Variants in PTGER4 observed in about 807,000 individuals in gnomAD.
PTGER4 encodes the protein prostaglandin E2 receptor EP4 subtype.
A neutral mutation model predicts 33.2 loss-of-function variants in PTGER4; 11 were observed. The observed-to-expected ratio is 0.33, with a 90% CI of 0.21 to 0.55. PTGER4 has a LOEUF of 0.55. Ranked by LOEUF, PTGER4 falls within the 20% of genes least tolerant of loss-of-function variation. The pLI, the probability that PTGER4 is intolerant of heterozygous loss-of-function variation, is 0.92. For missense variants in PTGER4, 481 were observed against 650.2 expected, an observed-to-expected ratio of 0.74 and a Z score of 2.83; for synonymous variants, 275 against 281.5, an observed-to-expected ratio of 0.98 and a Z score of 0.23.
downstream of PTGER4, among the ~76,000 whole-genome samples, chr5:40,696,105 G>C (rs189238233): frequency 1.3e-5 from 2 of 152,300 alleles, no homozygotes; most frequent in African/African-American, 4.8e-5. Flanking sequence ...ATGGTACTTT[G>C]ACCAAGGGAC....
At position 40,681,281 on chromosome 5, in the gene PTGER4, C is replaced by T. The variant is rs555173273; in HGVS notation, c.288C>T (p.Thr96=). The change falls in exon 2 of 3, where the codon ACC becomes ACT. Residue 96 remains threonine (T), a synonymous_variant. Coordinates refer to ENST00000302472, the MANE Select transcript of PTGER4 (RefSeq NM_000958.3). The surrounding 1 kb of genome is among the most constrained non-coding windows in gnomAD (Gnocchi z 9.8). ...PGGQPLCEYS[T]FILLFFSLSG... ...GCCAGCCGCTGTGCGAGTACAGCAC[C>T]TTCATTCTGCTCTTCTTCAGCCTGT... 5.9e-5 allele frequency: 95 copies of T among 1,614,224 alleles called. No individual in the cohort carries two copies. In the South Asian group the frequency reaches 9.0e-4, roughly 15 times the overall value.
At chr5:40,693,818 T>C (rs761391982), downstream of PTGER4, 147 of 695,460 alleles carry the variant, frequency 2.1e-4, 1 homozygote, top group Middle Eastern at 3.7e-3. Flanking sequence ...CTTTTATATA[T>C]TTTTTTAAAA....
At chr5:40,717,540 T>C in the PTGER4 span, among the ~76,000 whole-genome samples, 13 of 152,226 alleles carry the variant, frequency 8.5e-5, no homozygotes, top group African/African-American at 3.1e-4. Flanking sequence ...GGCTGTCCTC[T>C]ATAATGTAGA....
rs1741148115 is a variant in PTGER4 at position 40,680,171 on chromosome 5, A to C, written c.-351A>C. Reference sequence around the variant, plus strand: ...ACACCTGAACGCTGTCCTCCCGCAGACGAGACCGGCGGGCACTGCAAAGCT... The same window carrying C: ...ACACCTGAACGCTGTCCTCCCGCAGCCGAGACCGGCGGGCACTGCAAAGCT... On this transcript the variant is annotated 5_prime_UTR_variant, in exon 1 of 3. Coordinates refer to ENST00000302472, the MANE Select transcript of PTGER4 (RefSeq NM_000958.3). This position sits in a 1 kb window ranked among gnomAD's most constrained non-coding sequence, Gnocchi z 5.5. 1 of 152,536 alleles carries C rather than the reference A, an allele frequency of 6.6e-6. No individual in the cohort carries two copies. The highest frequency in any genetic ancestry group is 1.5e-5 in the Non-Finnish European group (1 of 68,142). 9.4% of individuals were successfully genotyped at this position (152,536 alleles called of 1,614,324 possible). A position where few individuals can be genotyped will look rare whatever the true frequency, so the allele number is the denominator to read the frequency against.
downstream of PTGER4, among the ~76,000 whole-genome samples, chr5:40,694,744 A>G (rs185684029): frequency 1.1e-4 from 17 of 152,346 alleles, no homozygotes; most frequent in African/African-American, 4.1e-4. Context: ...TTAGGGCTTC[A>G]ACAAATGAAT....
chr5:40,700,130 T>C, the PTGER4 span, among the ~76,000 whole-genome samples: 1 of 152,222 alleles, frequency 6.6e-6, no homozygotes, highest in Non-Finnish European at 1.5e-5. Flanking sequence ...ACAAATCAAT[T>C]GTATTTCTAT....
chr5:40,697,776 A>C (rs1425282500), downstream of PTGER4, among the ~76,000 whole-genome samples: 2 of 151,908 alleles, frequency 1.3e-5, no homozygotes, highest in Non-Finnish European at 2.9e-5. Flanking sequence ...AAAAAGGCAA[A>C]ATAAACATAA....
At position 40,692,176 on chromosome 5, in the gene PTGER4, G is replaced by A; in HGVS notation, c.1265G>A (p.Gly422Asp). 1 of 1,614,232 alleles carries A rather than the reference G, an allele frequency of 6.2e-7. No homozygotes were observed. The highest frequency in any genetic ancestry group is 8.5e-7 in the Non-Finnish European group (1 of 1,180,036). ...RNLLPGVPGM[G>D]LAQEDTTSLR... ...TTGCTTCCAGGTGTGCCTGGCATGG[G>A]CCTGGCCCAGGAAGACACCACCTCA... is the stretch of plus-strand genomic sequence containing the variant. The change falls in exon 3 of 3, where the codon GGC becomes GAC. Residue 422 changes from glycine to aspartate, a missense_variant. Around this residue, in one of 7 missense-constraint regions of PTGER4, gnomAD observed 172 missense variants for 199.2 expected, o/e 0.86. Transcript: ENST00000302472.
Position 40,692,419 on chromosome 5 carries a change from T to C in PTGER4, c.*41T>C, listed in dbSNP as rs769808538. 2.0e-6 allele frequency: 3 copies of C among 1,527,704 alleles called. No homozygotes were observed. The highest frequency in any genetic ancestry group is 4.5e-5 in the East Asian group (2 of 44,132). The allele number at this position is 1,527,704 out of a possible 1,614,324, so 94.6% of individuals were successfully genotyped here. On this transcript the variant is annotated 3_prime_UTR_variant, in exon 3 of 3. Transcript: ENST00000302472. ...ATACAGTACTGTTTCTGGACCCTTATAAAATCCTGTGCAATAGACACATAC... is the reference window on the plus strand; with the variant it reads ...ATACAGTACTGTTTCTGGACCCTTACAAAATCCTGTGCAATAGACACATAC...
the PTGER4 span, among the ~76,000 whole-genome samples, chr5:40,723,392 C>CA: frequency 6.6e-6 from 1 of 151,582 alleles, no homozygotes; most frequent in African/African-American, 2.4e-5. Flanking sequence ...ATGACCCTGC[C>CA]AAATCCCCTT....
chr5:40,724,566 G>A, the PTGER4 span, among the ~76,000 whole-genome samples: 1 of 151,768 alleles, frequency 6.6e-6, no homozygotes, highest in Non-Finnish European at 1.5e-5. Flanking sequence ...CCGGGAGGTG[G>A]AGGTTGAAGT....
the PTGER4 span, among the ~76,000 whole-genome samples, chr5:40,710,244 AC>A: frequency 6.6e-6 from 1 of 152,062 alleles, no homozygotes; most frequent in African/African-American, 2.4e-5. Context: ...AAAACAAACA[AC>A]CCCATCAAAA....
the PTGER4 span, among the ~76,000 whole-genome samples, chr5:40,705,565 C>T: frequency 6.6e-6 from 1 of 152,132 alleles, no homozygotes; most frequent in Admixed American, 6.6e-5. Flanking sequence ...AAAACATTTG[C>T]AAACTGTGCA....
chr5:40,723,885 A>G, the PTGER4 span, among the ~76,000 whole-genome samples: 2 of 152,072 alleles, frequency 1.3e-5, no homozygotes, highest in African/African-American at 4.8e-5. Context: ...AAACAAACAA[A>G]AAGGCAAGAT....
rs1006251317 is a variant in PTGER4 at position 40,691,114 on chromosome 5, G to T, written c.868-665G>T. On this transcript the variant is annotated intron_variant, in intron 2 of 2. Transcript: ENST00000302472. This position sits in a 1 kb window ranked among gnomAD's most constrained non-coding sequence, Gnocchi z 4.2. ...CAGCTCACTGCAACCTCCACCCGCC[G>T]CATTCAAGCCATTCTCCTGCCTCAC... Among the ~76,000 whole-genome samples the T allele has an allele frequency of 6.6e-6, 1 of 151,794 alleles. No individual in the cohort carries two copies. Among genetic ancestry groups the T allele is most frequent in the Non-Finnish European group, 1.5e-5 (1 of 67,950 alleles).
chr5:40,738,269 A>C, the PTGER4 span, among the ~76,000 whole-genome samples: 1 of 151,656 alleles, frequency 6.6e-6, no homozygotes, highest in African/African-American at 2.4e-5. Context: ...AAAATTAGCC[A>C]GGCATAGAGT....
intron 2 of PTGER4, among the ~76,000 whole-genome samples, chr5:40,687,114 C>G (rs1225820553): frequency 6.6e-6 from 1 of 152,128 alleles, no homozygotes; most frequent in Admixed American, 6.5e-5. Context: ...GGCGCAATCT[C>G]AGCTCACCGC....
the PTGER4 span, among the ~76,000 whole-genome samples, chr5:40,745,931 T>C: frequency 6.6e-6 from 1 of 152,018 alleles, no homozygotes; most frequent in Non-Finnish European, 1.5e-5. Context: ...AGATTTGAAA[T>C]TTTTTCAAAA....
the PTGER4 span, among the ~76,000 whole-genome samples, chr5:40,719,367 C>T: frequency 2.6e-5 from 4 of 152,128 alleles, no homozygotes; most frequent in Non-Finnish European, 4.4e-5. Context: ...AAAGTTCATC[C>T]GTGTTGTAAC....
Sources: allele counts gnomAD v4.1 joint callset (sites outside exome capture counted in the v4.1 genomes callset), GRCh38; gene constraint gnomAD v4.1.1; regional missense constraint gnomAD v4.1.1; non-coding constraint Gnocchi (gnomAD v3.1); transcripts MANE v1.5; gene names NCBI Gene and HGNC (gene_info 2026-07-23, HGNC 2026-07-21).